PIKFYVE: variants seen among roughly 807,000 people sequenced by gnomAD.
The protein encoded by PIKFYVE is phosphoinositide kinase, FYVE-type zinc finger containing.
A neutral mutation model predicts 257.9 loss-of-function variants in PIKFYVE; 122 were observed. That is an observed-to-expected ratio of 0.47 (90% CI 0.41 to 0.55). The LOEUF (loss-of-function observed/expected upper bound fraction) is 0.55, where lower values mean the gene tolerates loss of function less well. Among genes scored for constraint, PIKFYVE ranks in the 20% least tolerant of loss-of-function variants. The probability of loss-of-function intolerance (pLI) is 0.00; values close to 1 mark genes in which losing one functional copy is unlikely to be tolerated. For missense variants in PIKFYVE, 2,160 were observed against 2,536.6 expected (o/e 0.85, Z 3.19); for synonymous variants, 892 against 868.9 (o/e 1.03, Z -0.47).
At position 208,353,995 on chromosome 2, in the gene PIKFYVE, A is replaced by C; in HGVS notation, c.5942A>C (p.Lys1981Thr). 1 of 1,614,074 alleles carries C rather than the reference A, an allele frequency of 6.2e-7. No individual in the cohort carries two copies. The highest frequency in any genetic ancestry group is 8.5e-7 in the Non-Finnish European group (1 of 1,179,974). Reference protein sequence around the residue: ...DVVLLDENLLKMVRDNPLYIR... With the variant: ...DVVLLDENLLTMVRDNPLYIR... ...GTCCTGCTAGATGAAAATCTCCTAA[A>C]GATGGTTCGAGACAACCCTCTATAT... Residue 1981 changes from lysine (K) to threonine (T), a missense_variant, in exon 40 of 42, where the codon AAG (lysine) becomes ACG (threonine). Physicochemically the swap from Lys to Thr is moderately conservative, Grantham distance 78 (BLOSUM62 -1). Around this residue, in one of 12 missense-constraint regions of PIKFYVE, gnomAD observed 699 missense variants for 855.8 expected, o/e 0.82. Coordinates refer to ENST00000264380, the MANE Select transcript of PIKFYVE (RefSeq NM_015040.4).
At position 208,314,311 on chromosome 2, in the gene PIKFYVE, C is replaced by T. The variant is rs747011264; in HGVS notation, c.1714C>T (p.Arg572Ter). 5.0e-6 allele frequency: 8 copies of T among 1,613,138 alleles called. No individual in the cohort carries two copies. The highest frequency in any genetic ancestry group is 2.2e-5 in the South Asian group (2 of 91,040). Residue 572 changes from arginine (R) to a stop codon, truncating the protein, a stop_gained, in exon 14 of 42, where the codon CGA (arginine) becomes TGA (stop). Transcript: ENST00000264380. LOFTEE classifies it high-confidence loss of function. ...GTACTTAGAATCCTTATTTAATCGC[C>T]GAGTAGAGGAAAAATCCAAAGAGCT... is the stretch of plus-strand genomic sequence containing the variant. ...AFIKESLFNR[R>*]VEEKSKELPF... is the part of the protein sequence containing the mutation.
chr2:208,293,270 T>G (rs1692549990), intron 7 of PIKFYVE, among the ~76,000 whole-genome samples: 2 of 152,170 alleles, frequency 1.3e-5, no homozygotes, highest in African/African-American at 4.8e-5. Flanking sequence ...CATGCGTACA[T>G]ACATAATTGA....
At chr2:208,331,726 T>C (rs1429335876) in intron 23 of PIKFYVE, among the ~76,000 whole-genome samples, 2 of 152,160 alleles carry the variant, frequency 1.3e-5, no homozygotes, top group African/African-American at 2.4e-5. Flanking sequence ...ATGGGAATTA[T>C]ATATAAAATA....
intron 7 of PIKFYVE, among the ~76,000 whole-genome samples, chr2:208,293,079 ATTCT>A (rs1278774058): frequency 0.11 from 5,759 of 53,954 alleles, 312 homozygotes; most frequent in African/African-American, 0.24. Context: ...TACGAGTTAC[ATTCT>A]TTTTTTTTTT....
intron 41 of PIKFYVE, among the ~76,000 whole-genome samples, chr2:208,354,896 T>A (rs1700067371): frequency 6.6e-6 from 1 of 152,192 alleles, no homozygotes; most frequent in African/African-American, 2.4e-5. Flanking sequence ...AATAAGAGAT[T>A]GTCTTTAATT....
Position 208,356,883 on chromosome 2 carries a change from A to G in PIKFYVE, c.*1578A>G, listed in dbSNP as rs1298154192. On this transcript the variant is annotated 3_prime_UTR_variant, in exon 42 of 42. Coordinates refer to ENST00000264380, the MANE Select transcript of PIKFYVE (RefSeq NM_015040.4). ...GACTGCCTATAATAATAGCACATTA[A>G]CCTTCACATAATAAGAAATCTGGAC... The G allele has an allele frequency of 6.6e-6, 1 of 152,642 alleles. No homozygotes were observed. Among genetic ancestry groups the G allele is most frequent in the Non-Finnish European group, 1.5e-5 (1 of 68,042 alleles). The allele number at this position is 152,642 out of a possible 1,614,324, so 9.5% of individuals were successfully genotyped here. A position where few individuals can be genotyped will look rare whatever the true frequency, so the allele number is the denominator to read the frequency against.
At position 208,271,669 on chromosome 2, in the gene PIKFYVE, A is replaced by G. The variant is rs779653945; in HGVS notation, c.150A>G (p.Val50=). ...TTAAATCAGCTTATAGTTCTTTTGT[A>G]AATCTCTTTCGTTTTAACAAAGGTA... The part of the protein sequence containing the change: ...PPFKSAYSSF[V]NLFRFNKERA... Residue 50 remains valine, a synonymous_variant, in exon 2 of 42, where the codon GTA becomes GTG. Transcript: ENST00000264380. 2 of 1,613,788 alleles carry G rather than the reference A, an allele frequency of 1.2e-6. No individual in the cohort carries two copies. Among genetic ancestry groups the G allele is most frequent in the Non-Finnish European group, 1.7e-6 (2 of 1,179,824 alleles).
intron 32 of PIKFYVE, among the ~76,000 whole-genome samples, chr2:208,343,954 C>T (rs1277537360): frequency 6.6e-6 from 1 of 151,912 alleles, no homozygotes; most frequent in East Asian, 1.9e-4. Context: ...GCCTCAGCCT[C>T]CCAAGTAGCC....
chr2:208,293,562 G>T lies in PIKFYVE; in HGVS notation c.911+4744G>T, dbSNP rs184131883. Among the ~76,000 whole-genome samples, 801 of 152,110 alleles carry T rather than the reference G, an allele frequency of 5.3e-3. 18 individuals are homozygous for T. The highest frequency in any genetic ancestry group is 0.026 in the Admixed American group (403 of 15,288). On this transcript the variant is annotated intron_variant, in intron 7 of 41. Coordinates refer to ENST00000264380, the MANE Select transcript of PIKFYVE (RefSeq NM_015040.4). The stretch of plus-strand genomic sequence containing the variant: ...GTATCATCAGGGTACAGAATTGTAG[G>T]TTGATGGCTTTTTTCTCTCAACATC...
At chr2:208,345,325 T>G in intron 33 of PIKFYVE, 131 bp downstream of exon 33, 4 of 777,640 alleles carry the variant, frequency 5.1e-6, no homozygotes, top group Non-Finnish European at 8.6e-6. Flanking sequence ...CACTCATATT[T>G]CAGCCAATAA....
intron 31 of PIKFYVE, among the ~76,000 whole-genome samples, chr2:208,341,982 A>G (rs1406160535): frequency 6.6e-6 from 1 of 151,850 alleles, no homozygotes. Flanking sequence ...TATTGTTAAC[A>G]TCTTACACAT....
chr2:208,298,515 A>T, intron 7 of PIKFYVE, 126 bp from the exon 8 acceptor site: 1 of 1,170,730 alleles, frequency 8.5e-7, no homozygotes, highest in Non-Finnish European at 1.2e-6. Flanking sequence ...TAACCATCAT[A>T]AGTACTTTTA....
At chr2:208,304,450 G>A (rs1694079233) in intron 11 of PIKFYVE, 132 bp downstream of exon 11, 1 of 1,221,632 alleles carries the variant, frequency 8.2e-7, no homozygotes, top group South Asian at 1.3e-5. Flanking sequence ...ACATCTGATA[G>A]CAGTCTTTGT....
chr2:208,281,285 C>T (rs1690774633), intron 5 of PIKFYVE, among the ~76,000 whole-genome samples: 1 of 152,156 alleles, frequency 6.6e-6, no homozygotes, highest in Non-Finnish European at 1.5e-5. Context: ...ATGTTTCAGC[C>T]AGTCATCTAA....
At chr2:208,325,063 C>A in intron 19 of PIKFYVE, 26 bp downstream of exon 19, 1 of 1,613,626 alleles carries the variant, frequency 6.2e-7, no homozygotes, top group Non-Finnish European at 8.5e-7. Context: ...CATAGATTGA[C>A]CTGAGGAAAA....
chr2:208,276,599 G>T, intron 3 of PIKFYVE, 113 bp from the exon 4 acceptor site: 1 of 808,096 alleles, frequency 1.2e-6, no homozygotes, highest in Non-Finnish European at 2.2e-6. Context: ...AACCGGGTGG[G>T]AGAACATAAT....
At chr2:208,350,165 A>C in intron 36 of PIKFYVE, 82 bp downstream of exon 36, 1 of 1,566,610 alleles carries the variant, frequency 6.4e-7, no homozygotes, top group Non-Finnish European at 8.7e-7. Flanking sequence ...TTCTAGCTTC[A>C]TACTAAATAA....
chr2:208,330,097 T>A (rs913703099), intron 22 of PIKFYVE, among the ~76,000 whole-genome samples, 184 bp downstream of exon 22: 1 of 152,208 alleles, frequency 6.6e-6, no homozygotes, highest in African/African-American at 2.4e-5. Flanking sequence ...AGATCTCTTA[T>A]CCAGAACATC....
chr2:208,280,976 A>C (rs529566947), intron 5 of PIKFYVE, among the ~76,000 whole-genome samples: 19 of 152,322 alleles, frequency 1.2e-4, no homozygotes, highest in Admixed American at 1.2e-3. Context: ...CCTGGGATCC[A>C]GTGATCCCCA....
Sources: allele counts gnomAD v4.1 joint callset (sites outside exome capture counted in the v4.1 genomes callset), GRCh38; gene constraint gnomAD v4.1.1; regional missense constraint gnomAD v4.1.1; transcripts MANE v1.5; gene names NCBI Gene and HGNC (gene_info 2026-07-23, HGNC 2026-07-21).